The following PRTG variants were observed in gnomAD, a reference collection of about 807,000 sequenced individuals.
PRTG encodes protogenin, also known as immunoglobulin superfamily, DCC subclass, member 5.
A neutral mutation model predicts 122.5 loss-of-function variants in PRTG; 67 were observed. The ratio of observed to expected loss-of-function variants is 0.55; its 90% CI spans 0.45 to 0.67. PRTG has a LOEUF of 0.67. Among genes scored for constraint, PRTG ranks in the 30% least tolerant of loss-of-function variants. The probability of loss-of-function intolerance (pLI) is 0.00; values close to 1 mark genes in which losing one functional copy is unlikely to be tolerated. For missense variants in PRTG, 1,435 were observed against 1,415.4 expected (o/e 1.01, Z -0.22); for synonymous variants, 554 against 501.1 (o/e 1.11, Z -1.41).
rs2059139208 is a variant in PRTG, at chr15:55,615,756, T to A, written c.*4256A>T. ...TTACATTCAGTATTCAAAATTTACATTCAGTGAAACAGAAATGTATATAAG... is the reference window on the plus strand; with the variant it reads ...TTACATTCAGTATTCAAAATTTACAATCAGTGAAACAGAAATGTATATAAG... On this transcript the variant is annotated 3_prime_UTR_variant, in exon 20 of 20. Coordinates refer to ENST00000389286, the MANE Select transcript of PRTG (RefSeq NM_173814.6). 1.3e-5 allele frequency: 2 copies of A among 152,068 alleles called. No individual in the cohort carries two copies. The highest frequency in any genetic ancestry group is 1.3e-4 in the Admixed American group (2 of 15,256). 9.4% of individuals were successfully genotyped at this position (152,068 alleles called of 1,614,324 possible).
At chr15:55,706,564 G>A (rs1399274478) in intron 2 of PRTG, among the ~76,000 whole-genome samples, 3 of 133,604 alleles carry the variant, frequency 2.2e-5, no homozygotes, top group African/African-American at 8.6e-5. Flanking sequence ...GGGCAACAGA[G>A]TGAGACCTTG....
chr15:55,721,916 C>T (rs2030840610), intron 2 of PRTG, among the ~76,000 whole-genome samples: 1 of 152,140 alleles, frequency 6.6e-6, no homozygotes, highest in Non-Finnish European at 1.5e-5. Context: ...ATTCAATTAC[C>T]TCCCACCAGG....
intron 2 of PRTG, among the ~76,000 whole-genome samples, chr15:55,734,340 GATTT>G (rs1194997961): frequency 1.3e-5 from 2 of 152,056 alleles, no homozygotes; most frequent in African/African-American, 4.8e-5. Flanking sequence ...AAAAGAATAT[GATTT>G]ATTTAAAGTA....
rs1439755959 is a variant in PRTG at position 55,616,432 on chromosome 15, C to T, written c.*3580G>A. ...GGTAATGCTTAAAGCAGGAAGAGAA[C>T]TATACAGGCTAATTCAGAGGTACCA... On this transcript the variant is annotated 3_prime_UTR_variant, in exon 20 of 20. Transcript: ENST00000389286. The T allele has an allele frequency of 6.6e-6, 1 of 152,112 alleles. No homozygotes were observed. The highest frequency in any genetic ancestry group is 1.5e-5 in the Non-Finnish European group (1 of 67,982). 9.4% of individuals were successfully genotyped at this position (152,112 alleles called of 1,614,324 possible).
At chr15:55,711,277 A>G (rs1186968119) in intron 2 of PRTG, among the ~76,000 whole-genome samples, 1 of 151,916 alleles carries the variant, frequency 6.6e-6, no homozygotes, top group Admixed American at 6.6e-5. Flanking sequence ...TGATTTAGTA[A>G]TTGTAACTTC....
chr15:55,640,382 A>T (rs1447120586), intron 12 of PRTG, among the ~76,000 whole-genome samples: 2 of 152,250 alleles, frequency 1.3e-5, no homozygotes, highest in African/African-American at 2.4e-5. Context: ...TATGTGGTCC[A>T]TTGTTGACAG....
chr15:55,705,505 G>A (rs571627734), intron 2 of PRTG, among the ~76,000 whole-genome samples: 4 of 152,182 alleles, frequency 2.6e-5, no homozygotes, highest in Admixed American at 6.5e-5. Context: ...TGTCGCTGGA[G>A]TGCAGTGGCG....
At chr15:55,711,492 T>A (rs1224655149) in intron 2 of PRTG, among the ~76,000 whole-genome samples, 5 of 152,018 alleles carry the variant, frequency 3.3e-5, no homozygotes, top group African/African-American at 1.2e-4. Flanking sequence ...AGATGGAAGA[T>A]CATGCTAATT....
chr15:55,672,178 A>G (rs1227244104), intron 11 of PRTG, among the ~76,000 whole-genome samples: 1 of 152,182 alleles, frequency 6.6e-6, no homozygotes, highest in Non-Finnish European at 1.5e-5. Flanking sequence ...GTCTACCAGA[A>G]GTGAACGCCA....
rs1170600146 is a variant in PRTG, at chr15:55,615,598, A to G, written c.*4414T>C. On this transcript the variant is annotated 3_prime_UTR_variant, in exon 20 of 20. Coordinates refer to ENST00000389286, the MANE Select transcript of PRTG (RefSeq NM_173814.6). ...AGAACCTGCTACTCAGTGCTCACAA[A>G]CTGCAAAGATTATTTTGACTATTAA... 6.6e-6 allele frequency: 1 copy of G among 152,124 alleles called. No homozygotes were observed. The highest frequency in any genetic ancestry group is 1.5e-5 in the Non-Finnish European group (1 of 67,998). The allele number at this position is 152,124 out of a possible 1,614,324, so 9.4% of individuals were successfully genotyped here.
intron 15 of PRTG, among the ~76,000 whole-genome samples, chr15:55,630,704 A>G (rs1054684896): frequency 6.6e-6 from 1 of 152,178 alleles, no homozygotes; most frequent in Non-Finnish European, 1.5e-5. Context: ...CCACTGCACC[A>G]AAGTATTTCC....
intron 15 of PRTG, among the ~76,000 whole-genome samples, chr15:55,633,878 C>T (rs185343446): frequency 1.8e-4 from 28 of 152,242 alleles, no homozygotes; most frequent in African/African-American, 6.5e-4. Context: ...AAAACCACAA[C>T]AACTAAGAGA....
At chr15:55,696,052 T>C (rs1269444528) in intron 2 of PRTG, among the ~76,000 whole-genome samples, 2 of 152,006 alleles carry the variant, frequency 1.3e-5, no homozygotes, top group African/African-American at 4.8e-5. Context: ...AGGTGGGAAG[T>C]TCATTTGAGG....
At chr15:55,625,796 T>C (rs2059191560) in intron 17 of PRTG, among the ~76,000 whole-genome samples, 2 of 152,118 alleles carry the variant, frequency 1.3e-5, no homozygotes, top group African/African-American at 4.8e-5. Context: ...GCTAATTTTG[T>C]ATTTTTAGTA....
chr15:55,645,597 A>G (rs960530828), intron 11 of PRTG, among the ~76,000 whole-genome samples: 4 of 151,950 alleles, frequency 2.6e-5, no homozygotes, highest in African/African-American at 9.7e-5. Context: ...TTTAGGACCA[A>G]TATGTTAAAT....
At chr15:55,659,261 G>A (rs1435518200) in intron 11 of PRTG, among the ~76,000 whole-genome samples, 4 of 152,168 alleles carry the variant, frequency 2.6e-5, no homozygotes, top group Non-Finnish European at 5.9e-5. Context: ...GGGAACCCTC[G>A]TGGGATCACA....
chr15:55,682,472 A>G lies in PRTG; in HGVS notation c.568T>C (p.Leu190=). 1 of 1,579,450 alleles carries G rather than the reference A, an allele frequency of 6.3e-7. No homozygotes were observed. Among genetic ancestry groups the G allele is most frequent in the Non-Finnish European group, 8.6e-7 (1 of 1,159,902 alleles). The stretch of plus-strand genomic sequence containing the variant: ...CTTTGGCTGACATCATAGATCTGCA[A>G]TACTCCTGTTGGTAGGGCAGTTATC... ...DRITALPTGV[L]QIYDVSQRDS... is the part of the protein sequence containing the mutation. Residue 190 remains leucine, a synonymous_variant, in exon 4 of 20, where the codon TTG becomes CTG. Transcript: ENST00000389286.
intron 18 of PRTG, among the ~76,000 whole-genome samples, chr15:55,621,517 G>A (rs575374178): frequency 6.6e-6 from 1 of 151,994 alleles, no homozygotes; most frequent in African/African-American, 2.4e-5. Flanking sequence ...AAATTAGCTG[G>A]GCATGGTAGC....
Position 55,677,917 on chromosome 15 carries a change from C to A in PRTG, c.1261G>T (p.Ala421Ser). The stretch of plus-strand genomic sequence containing the variant: ...GTTTCAGCATGTACATTATAGGGAG[C>A]ACTGGGTCTGTCTTCTGACATCACT... ...TVVMSEDRPS[A>S]PYNVHAETMS... The change falls in exon 8 of 20, where the codon GCT (alanine) becomes TCT (serine). Residue 421 changes from alanine (A) to serine (S), a missense_variant. Ala to Ser is a moderately conservative substitution (Grantham distance 99). Transcript: ENST00000389286. 2 of 1,613,914 alleles carry A rather than the reference C, an allele frequency of 1.2e-6. No homozygotes were observed. Among genetic ancestry groups the A allele is most frequent in the Non-Finnish European group, 1.7e-6 (2 of 1,179,906 alleles).
Sources: allele counts gnomAD v4.1 joint callset (sites outside exome capture counted in the v4.1 genomes callset), GRCh38; gene constraint gnomAD v4.1.1; transcripts MANE v1.5; gene names NCBI Gene and HGNC (gene_info 2026-07-23, HGNC 2026-07-21).